PCDH7: variants seen among roughly 807,000 people sequenced by gnomAD.
PCDH7 encodes the protein protocadherin-7.
In PCDH7, 17 loss-of-function variants were observed where a neutral mutation model predicts 58.9. The observed-to-expected ratio is 0.29, with a 90% confidence interval of 0.20 to 0.43. The LOEUF is 0.43. Among genes scored for constraint, PCDH7 ranks in the 20% least tolerant of loss-of-function variants. PCDH7 has a pLI of 1.00. For missense variants in PCDH7, 1,274 were observed against 1,441.0 expected, an observed-to-expected ratio of 0.88 and a Z score of 1.88; for synonymous variants, 664 against 616.4, an observed-to-expected ratio of 1.08 and a Z score of -1.14.
intron 2 of PCDH7, among the ~76,000 whole-genome samples, chr4:30,930,133 T>C (rs1196159508): frequency 3.3e-5 from 5 of 152,152 alleles, no homozygotes; most frequent in Non-Finnish European, 5.9e-5. Flanking sequence ...ATGGAGAGAC[T>C]GATTATATGC....
At chr4:30,936,123 G>T (rs1745310217) in intron 2 of PCDH7, among the ~76,000 whole-genome samples, 2 of 151,914 alleles carry the variant, frequency 1.3e-5, no homozygotes, top group African/African-American at 4.8e-5. Context: ...CATACAAAAA[G>T]AAAAGATAAA....
At chr4:30,872,030 C>T (rs1735668589) in intron 1 of PCDH7, among the ~76,000 whole-genome samples, 1 of 152,088 alleles carries the variant, frequency 6.6e-6, no homozygotes, top group African/African-American at 2.4e-5. Flanking sequence ...GCCTTTATTA[C>T]ATCTGCATAT....
intron 3 of PCDH7, among the ~76,000 whole-genome samples, chr4:31,099,344 C>A (rs1168586893): frequency 6.6e-6 from 1 of 152,164 alleles, no homozygotes; most frequent in African/African-American, 2.4e-5. Flanking sequence ...GCAGGGGGAT[C>A]TGCCTAAAGG....
intron 3 of PCDH7, among the ~76,000 whole-genome samples, chr4:31,035,830 C>A (rs1327834879): frequency 6.6e-6 from 1 of 152,130 alleles, no homozygotes; most frequent in Non-Finnish European, 1.5e-5. Context: ...ATTTTCTTGG[C>A]TTTCAAATGA....
intron 1 of PCDH7, among the ~76,000 whole-genome samples, chr4:30,804,692 C>A (rs1278905431): frequency 1.3e-5 from 2 of 152,142 alleles, no homozygotes; most frequent in Non-Finnish European, 2.9e-5. Flanking sequence ...CTTGGACTTC[C>A]CAGCCCCCAG....
chr4:31,059,775 G>A (rs949286901), intron 3 of PCDH7, among the ~76,000 whole-genome samples: 2 of 151,674 alleles, frequency 1.3e-5, no homozygotes, highest in South Asian at 2.1e-4. Flanking sequence ...ACAATTATAT[G>A]TAATCTTATC....
intron 1 of PCDH7, among the ~76,000 whole-genome samples, chr4:30,883,144 C>T (rs1737219677): frequency 6.6e-6 from 1 of 152,212 alleles, no homozygotes; most frequent in Non-Finnish European, 1.5e-5. Flanking sequence ...TAAATCACTA[C>T]ACTGACTTTT....
chr4:30,876,993 A>G (rs979275112), intron 1 of PCDH7, among the ~76,000 whole-genome samples: 9 of 152,112 alleles, frequency 5.9e-5, no homozygotes, highest in African/African-American at 2.2e-4. Flanking sequence ...AATTTATAAT[A>G]TCTCCCGCAC....
intron 3 of PCDH7, among the ~76,000 whole-genome samples, chr4:31,010,380 T>A (rs1753080040): frequency 6.6e-6 from 1 of 151,972 alleles, no homozygotes; most frequent in South Asian, 2.1e-4. Flanking sequence ...TTTCTGTAAA[T>A]CTTTGCCTTT....
intron 3 of PCDH7, among the ~76,000 whole-genome samples, chr4:31,128,972 A>G (rs1718645273): frequency 1.3e-5 from 2 of 152,190 alleles, no homozygotes. Context: ...GGCCAGTGAC[A>G]TTGCATTTAG....
At chr4:31,092,604 G>A (rs865826733) in intron 3 of PCDH7, among the ~76,000 whole-genome samples, 2 of 151,958 alleles carry the variant, frequency 1.3e-5, no homozygotes, top group Middle Eastern at 3.2e-3. Flanking sequence ...TCACGATTTT[G>A]CACACAATTC....
chr4:30,986,670 T>C (rs1560556236), intron 3 of PCDH7, among the ~76,000 whole-genome samples: 2 of 152,090 alleles, frequency 1.3e-5, no homozygotes, highest in Non-Finnish European at 2.9e-5. Context: ...TGTTTTATTA[T>C]AATCAGAATC....
chr4:30,800,767 A>G (rs957551839), intron 1 of PCDH7, among the ~76,000 whole-genome samples: 1 of 152,266 alleles, frequency 6.6e-6, no homozygotes, highest in Non-Finnish European at 1.5e-5. Context: ...GACAAAAGGC[A>G]CATCATCCAG....
At chr4:31,057,621 C>G (rs1321822763) in intron 3 of PCDH7, among the ~76,000 whole-genome samples, 1 of 152,074 alleles carries the variant, frequency 6.6e-6, no homozygotes, top group East Asian at 1.9e-4. Context: ...GAAAATCAAG[C>G]TTAGGTATAT....
At chr4:30,834,543 C>A (rs185265350) in intron 1 of PCDH7, among the ~76,000 whole-genome samples, 1 of 152,094 alleles carries the variant, frequency 6.6e-6, no homozygotes, top group African/African-American at 2.4e-5. Context: ...TGTCTGTTCC[C>A]CAACTATGAC....
intron 1 of PCDH7, among the ~76,000 whole-genome samples, chr4:30,836,667 T>C (rs909057771): frequency 6.6e-6 from 1 of 151,950 alleles, no homozygotes; most frequent in African/African-American, 2.4e-5. Flanking sequence ...GACCAGGAGA[T>C]CTAGGAGTAA....
At chr4:30,956,152 T>A (rs932330487) in intron 3 of PCDH7, among the ~76,000 whole-genome samples, 1 of 151,426 alleles carries the variant, frequency 6.6e-6, no homozygotes, top group Non-Finnish European at 1.5e-5. Flanking sequence ...AGGCGGAGCT[T>A]GCAGTGAGCC....
chr4:30,789,596 A>G (rs1387705931), intron 1 of PCDH7, among the ~76,000 whole-genome samples: 2 of 152,162 alleles, frequency 1.3e-5, no homozygotes, highest in Non-Finnish European at 2.9e-5. Context: ...GAAAGCATGT[A>G]TAGAGGGTTT....
chr4:30,788,163 T>C (rs1723656014), intron 1 of PCDH7, among the ~76,000 whole-genome samples: 1 of 152,114 alleles, frequency 6.6e-6, no homozygotes, highest in Admixed American at 6.6e-5. Context: ...GTTCTAACTA[T>C]AACTTTTTAA....
Sources: allele counts gnomAD v4.1 joint callset (sites outside exome capture counted in the v4.1 genomes callset), GRCh38; gene constraint gnomAD v4.1.1; transcripts MANE v1.5; gene names NCBI Gene and HGNC (gene_info 2026-07-23, HGNC 2026-07-21).